PREX1: variants seen among roughly 807,000 people sequenced by gnomAD.
PREX1 encodes phosphatidylinositol-3,4,5-trisphosphate dependent Rac exchange factor 1, also known as phosphatidylinositol 3,4,5-trisphosphate-dependent Rac exchanger 1 protein.
PREX1 carries 41 observed loss-of-function variants against 198.3 expected under a neutral mutation model. The observed-to-expected ratio is 0.21, with a 90% CI of 0.16 to 0.27. The LOEUF (loss-of-function observed/expected upper bound fraction) is 0.27, where lower values mean the gene tolerates loss of function less well. PREX1 is among the 10% of genes least tolerant of loss of function. The pLI, the probability that PREX1 is intolerant of heterozygous loss-of-function variation, is 1.00. For synonymous variants in PREX1, 843 were observed against 887.2 expected, an observed-to-expected ratio of 0.95 and a Z score of 0.89; for missense variants, 1,620 against 2,200.7, an observed-to-expected ratio of 0.74 and a Z score of 5.28.
At position 48,625,047 on chromosome 20, in the gene PREX1, TTTC is replaced by T. The variant is rs2089259563; in HGVS notation, c.*835_*837del. 1 of 152,672 alleles carries T rather than the reference TTTC, an allele frequency of 6.5e-6. No individual in the cohort carries two copies. Among genetic ancestry groups the T allele is most frequent in the Admixed American group, 6.5e-5 (1 of 15,290 alleles). The allele number at this position is 152,672 out of a possible 1,614,324, so 9.5% of individuals were successfully genotyped here. A position where few individuals can be genotyped will look rare whatever the true frequency, so the allele number is the denominator to read the frequency against. On this transcript the variant is annotated 3_prime_UTR_variant, in exon 40 of 40. Transcript: ENST00000371941. ...TTTTTAATTTTTCAATAATTTAGTT[TTTC>T]TTTTGTGCTCTTTTTTTTTTAGTAG...
chr20:48,814,749 C>T (rs1170069821), intron 1 of PREX1, among the ~76,000 whole-genome samples: 1 of 152,102 alleles, frequency 6.6e-6, no homozygotes, highest in African/African-American at 2.4e-5. Flanking sequence ...TGTTAATGTC[C>T]GTAGCAAACA....
the PREX1 span, among the ~76,000 whole-genome samples, chr20:48,860,794 C>A: frequency 6.6e-6 from 1 of 150,440 alleles, no homozygotes; most frequent in African/African-American, 2.5e-5. Flanking sequence ...GAGATCGCAC[C>A]ACTGCACTCT....
At chr20:48,655,057 C>T (rs2089531906) in intron 19 of PREX1, among the ~76,000 whole-genome samples, 1 of 152,218 alleles carries the variant, frequency 6.6e-6, no homozygotes, top group African/African-American at 2.4e-5. Context: ...TTTCACCTTG[C>T]CATAGTCCTC....
At chr20:48,695,273 G>A (rs2089839574) in intron 7 of PREX1, among the ~76,000 whole-genome samples, 2 of 152,160 alleles carry the variant, frequency 1.3e-5, no homozygotes, top group African/African-American at 4.8e-5. Flanking sequence ...GTGTACTTTT[G>A]TGTCCAGCTT....
chr20:48,752,780 A>G (rs951976272), intron 1 of PREX1, among the ~76,000 whole-genome samples: 3 of 152,056 alleles, frequency 2.0e-5, no homozygotes, highest in African/African-American at 7.2e-5. Context: ...CTTGCCCTTG[A>G]ATCAGTCTCG....
At chr20:48,631,206 T>C (rs2089311887) in intron 35 of PREX1, among the ~76,000 whole-genome samples, 1 of 152,198 alleles carries the variant, frequency 6.6e-6, no homozygotes, top group Non-Finnish European at 1.5e-5. Context: ...CGGTAAACAT[T>C]TTATGCTTTG....
Position 48,625,744 on chromosome 20 carries a change from G to A in PREX1, c.*141C>T. 2 of 1,040,968 alleles carry A rather than the reference G, an allele frequency of 1.9e-6. No homozygotes were observed. Among genetic ancestry groups the A allele is most frequent in the Non-Finnish European group, 2.7e-6 (2 of 742,472 alleles). 64.5% of individuals were successfully genotyped at this position (1,040,968 alleles called of 1,614,324 possible). Reference sequence around the variant, plus strand: ...GGTGGCCAGGCTTGTCCCGGAAGGAGGCAGGGAGGACGCTGGGCAGGTCCC... The same window carrying A: ...GGTGGCCAGGCTTGTCCCGGAAGGAAGCAGGGAGGACGCTGGGCAGGTCCC... On this transcript the variant is annotated 3_prime_UTR_variant, in exon 40 of 40. Transcript: ENST00000371941.
intron 1 of PREX1, among the ~76,000 whole-genome samples, chr20:48,819,103 T>C (rs925948326): frequency 3.4e-4 from 52 of 152,264 alleles, no homozygotes; most frequent in Admixed American, 9.8e-4. Context: ...AGTAAGACCA[T>C]TGCACAGTCT....
At chr20:48,743,522 C>T (rs546240036) in intron 3 of PREX1, among the ~76,000 whole-genome samples, 3 of 152,288 alleles carry the variant, frequency 2.0e-5, no homozygotes, top group South Asian at 2.1e-4. Flanking sequence ...CAATGCCCTC[C>T]GCTAGCACCC....
intron 6 of PREX1, among the ~76,000 whole-genome samples, chr20:48,701,812 A>T (rs1210920509): frequency 6.6e-6 from 1 of 152,194 alleles, no homozygotes; most frequent in Non-Finnish European, 1.5e-5. Context: ...CAGCAGGGGA[A>T]GGGGTGACAA....
At chr20:48,846,743 C>T in the PREX1 span, among the ~76,000 whole-genome samples, 1 of 152,186 alleles carries the variant, frequency 6.6e-6, no homozygotes, top group South Asian at 2.1e-4. Flanking sequence ...GTCTCCCAGC[C>T]CCATGGATGG....
chr20:48,747,906 G>T, intron 1 of PREX1, 26 bp from the exon 2 acceptor site: 1 of 1,593,038 alleles, frequency 6.3e-7, no homozygotes, highest in Non-Finnish European at 8.6e-7. Flanking sequence ...AGAGAGAGGT[G>T]AGTGTCCGCG....
chr20:48,718,339 A>G (rs2089971411), intron 5 of PREX1, among the ~76,000 whole-genome samples: 1 of 152,218 alleles, frequency 6.6e-6, no homozygotes, highest in Non-Finnish European at 1.5e-5. Flanking sequence ...GGTGATGGTA[A>G]TGGTGGTGGT....
intron 1 of PREX1, among the ~76,000 whole-genome samples, chr20:48,826,450 T>TATCCCACCAGC (rs2090509219): frequency 6.6e-6 from 1 of 152,132 alleles, no homozygotes; most frequent in Admixed American, 6.5e-5. Flanking sequence ...GAATAGGGGT[T>TATCCCACCAGC]TAGAACACCA....
chr20:48,664,132 T>C (rs1033900666), intron 15 of PREX1, among the ~76,000 whole-genome samples: 3 of 152,156 alleles, frequency 2.0e-5, no homozygotes, highest in Middle Eastern at 3.2e-3. Context: ...CCCAGCACTT[T>C]GGGAAGCCAA....
chr20:48,848,706 C>G, the PREX1 span, among the ~76,000 whole-genome samples: 1 of 152,136 alleles, frequency 6.6e-6, no homozygotes, highest in Non-Finnish European at 1.5e-5. Context: ...GTTTGCAGAC[C>G]TTTTCTTGTA....
chr20:48,633,849 G>A (rs1167196014), intron 33 of PREX1, among the ~76,000 whole-genome samples: 1 of 152,216 alleles, frequency 6.6e-6, no homozygotes, highest in Non-Finnish European at 1.5e-5. Flanking sequence ...GGGCTGAGAC[G>A]CACTGGTCTA....
intron 29 of PREX1, among the ~76,000 whole-genome samples, chr20:48,640,165 A>G (rs1480324142): frequency 1.3e-5 from 2 of 152,244 alleles, no homozygotes; most frequent in African/African-American, 4.8e-5. Context: ...AATCCAGTGC[A>G]GACCTCACAA....
the PREX1 span, among the ~76,000 whole-genome samples, chr20:48,867,218 G>T: frequency 3.9e-5 from 6 of 152,172 alleles, no homozygotes; most frequent in Non-Finnish European, 7.3e-5. Flanking sequence ...GAAGCTCTTG[G>T]AGCTGAAGAG....
Sources: gnomAD v4.1 joint callset for allele counts (sites outside exome capture counted in the v4.1 genomes callset) on GRCh38, gnomAD v4.1.1 for gene constraint, MANE v1.5 for transcripts, NCBI Gene and HGNC (gene_info 2026-07-23, HGNC 2026-07-21) for gene names.